SIK3: variants seen among roughly 807,000 people sequenced by gnomAD.
SIK3 encodes SIK family kinase 3.
SIK3 carries 28 observed loss-of-function variants against 144.2 expected under a neutral mutation model. The ratio of observed to expected loss-of-function variants is 0.19; its 90% confidence interval spans 0.14 to 0.27. SIK3 has a LOEUF of 0.27. Ranked by LOEUF, SIK3 falls within the 10% of genes least tolerant of loss-of-function variation. SIK3 has a pLI of 1.00. For synonymous variants in SIK3, 686 were observed against 676.3 expected (o/e 1.01, Z -0.22); for missense variants, 1,319 against 1,776.0 (o/e 0.74, Z 4.62).
At chr11:116,888,357 C>T (rs770413573) in intron 6 of SIK3, among the ~76,000 whole-genome samples, 2 of 152,166 alleles carry the variant, frequency 1.3e-5, no homozygotes, top group African/African-American at 2.4e-5. Context: ...AGCCAGCACT[C>T]GCCTCCATCA....
At position 117,096,610 on chromosome 11, in the gene SIK3, A is replaced by T. The variant is rs565395611; in HGVS notation, c.273+1533T>A. On this transcript the variant is annotated intron_variant, in intron 1 of 24. Coordinates refer to ENST00000445177, the MANE Select transcript of SIK3 (RefSeq NM_001366686.3). Reference sequence around the variant, plus strand: ...TATCTCATTCAGCTCTGACCTGCAGACTGGAGGCCCTGTGATAAAAACGGA... The same window carrying T: ...TATCTCATTCAGCTCTGACCTGCAGTCTGGAGGCCCTGTGATAAAAACGGA... Among the ~76,000 whole-genome samples, 133 of 152,184 alleles carry T rather than the reference A, an allele frequency of 8.7e-4. 1 individual carries two copies. The highest frequency in any genetic ancestry group is 3.2e-3 in the African/African-American group (131 of 41,506).
rs141220069 is a variant in SIK3 at position 117,063,361 on chromosome 11, C to T, written c.273+34782G>A. Among the ~76,000 whole-genome samples, 344 of 152,228 alleles carry T rather than the reference C, an allele frequency of 2.3e-3. 6 individuals carry two copies. Among genetic ancestry groups the T allele is most frequent in the African/African-American group, 7.7e-3 (321 of 41,532 alleles). On this transcript the variant is annotated intron_variant, in intron 1 of 24. Transcript: ENST00000445177. ...GAAGATTCAATACCTTTTCTCATAG[C>T]TGTAGCAGGCAATACTCTCTTGGTT...
chr11:117,074,774 A>C (rs535397958), intron 1 of SIK3, among the ~76,000 whole-genome samples: 112 of 152,074 alleles, frequency 7.4e-4, no homozygotes, highest in East Asian at 1.5e-3. Flanking sequence ...AATACAAAAA[A>C]AAATTAGCCA....
intron 4 of SIK3, among the ~76,000 whole-genome samples, chr11:116,898,770 C>G (rs1305383823): frequency 6.6e-6 from 1 of 151,826 alleles, no homozygotes; most frequent in Non-Finnish European, 1.5e-5. Context: ...GCATAAATGT[C>G]TTCTTTTGAG....
chr11:117,073,228 T>C, intron 1 of SIK3, among the ~76,000 whole-genome samples: 1 of 152,246 alleles, frequency 6.6e-6, no homozygotes, highest in East Asian at 1.9e-4. Context: ...ACATTCATCA[T>C]GAGTTTGCGA....
At chr11:117,097,734 C>T (rs1316138716) in intron 1 of SIK3, among the ~76,000 whole-genome samples, 3 of 152,118 alleles carry the variant, frequency 2.0e-5, no homozygotes, top group Non-Finnish European at 4.4e-5. Context: ...TTTCCCCATC[C>T]TCCGGGTCCA....
chr11:117,052,079 T>C (rs559341425), intron 1 of SIK3, among the ~76,000 whole-genome samples: 1 of 151,852 alleles, frequency 6.6e-6, no homozygotes, highest in South Asian at 2.1e-4. Context: ...AAGGCGGAAG[T>C]TGCAGTTTGC....
chr11:116,971,420 C>T (rs1328552503), intron 1 of SIK3, among the ~76,000 whole-genome samples: 1 of 152,148 alleles, frequency 6.6e-6, no homozygotes, highest in Non-Finnish European at 1.5e-5. Context: ...ATGAGAAACT[C>T]AAAGAGTCAA....
At chr11:116,996,223 G>A (rs939213995) in intron 1 of SIK3, among the ~76,000 whole-genome samples, 2 of 151,984 alleles carry the variant, frequency 1.3e-5, no homozygotes, top group African/African-American at 2.4e-5. Context: ...CATGAGAATC[G>A]CTTGAACCTG....
intron 1 of SIK3, among the ~76,000 whole-genome samples, chr11:116,971,504 G>A (rs1264477298): frequency 2.0e-5 from 3 of 152,036 alleles, no homozygotes; most frequent in African/African-American, 7.2e-5. Context: ...AGTAAGAATA[G>A]GTAAAATATA....
intron 1 of SIK3, among the ~76,000 whole-genome samples, chr11:116,964,594 T>C (rs995302765): frequency 3.3e-5 from 5 of 152,066 alleles, no homozygotes; most frequent in Non-Finnish European, 5.9e-5. Context: ...TTAAAATGTA[T>C]AGCACTCCAG....
intron 1 of SIK3, among the ~76,000 whole-genome samples, chr11:117,018,396 C>T (rs1466944910): frequency 5.9e-5 from 9 of 152,200 alleles, no homozygotes; most frequent in Admixed American, 5.9e-4. Context: ...GTCAGCTCTA[C>T]AACAGCATTC....
chr11:116,875,827 T>C (rs190641644), intron 9 of SIK3, 39 bp downstream of exon 9: 3 of 1,565,726 alleles, frequency 1.9e-6, no homozygotes, highest in African/African-American at 2.8e-5. Context: ...CCCCCTGGTG[T>C]TACTTGTCCT....
intron 5 of SIK3, 26 bp downstream of exon 5, chr11:116,897,167 G>C (rs367911837): frequency 3.2e-5 from 51 of 1,610,398 alleles, no homozygotes; most frequent in Non-Finnish European, 4.3e-5. Flanking sequence ...TAATGCTGTG[G>C]GGTATAAGAG....
At chr11:117,004,046 A>G (rs916132550) in intron 1 of SIK3, among the ~76,000 whole-genome samples, 4 of 152,224 alleles carry the variant, frequency 2.6e-5, no homozygotes, top group East Asian at 1.9e-4. Context: ...GAATGCCACC[A>G]TAAGATTCAC....
chr11:116,896,733 TTGCACGAGTAGGCCGGG>T (rs1419890943), intron 5 of SIK3, among the ~76,000 whole-genome samples: 1 of 152,224 alleles, frequency 6.6e-6, no homozygotes, highest in Non-Finnish European at 1.5e-5. Flanking sequence ...AGGAAAGATT[TTGCACGAGTAGGCCGGG>T]TGCAGTGGCT....
At chr11:116,919,579 T>C (rs1946849652) in intron 4 of SIK3, among the ~76,000 whole-genome samples, 1 of 152,216 alleles carries the variant, frequency 6.6e-6, no homozygotes, top group Non-Finnish European at 1.5e-5. Flanking sequence ...TTATAACGTC[T>C]AAGCATTTGA....
chr11:117,023,621 A>AAAAAATATATATATATATAT (rs754624841), intron 1 of SIK3, among the ~76,000 whole-genome samples: 60 of 95,276 alleles, frequency 6.3e-4, no homozygotes, highest in Non-Finnish European at 8.6e-4. Flanking sequence ...AAAAAAAAAA[A>AAAAAATATATATATATATAT]ATATATATAT....
At chr11:117,015,631 A>G (rs995649250) in intron 1 of SIK3, among the ~76,000 whole-genome samples, 11 of 149,996 alleles carry the variant, frequency 7.3e-5, no homozygotes, top group Non-Finnish European at 1.5e-4. Context: ...CTGGAGTACA[A>G]TGGCACAATC....
Sources: gnomAD v4.1 joint callset for allele counts (sites outside exome capture counted in the v4.1 genomes callset) on GRCh38, gnomAD v4.1.1 for gene constraint, MANE v1.5 for transcripts, NCBI Gene and HGNC (gene_info 2026-07-23, HGNC 2026-07-21) for gene names.